OVCH1: variants seen among roughly 807,000 people sequenced by gnomAD.
OVCH1 encodes ovochymase-1.
Under a neutral mutation model 138.4 loss-of-function variants are expected in OVCH1, and 139 were observed. That is an observed-to-expected ratio of 1.00 (90% CI 0.87 to 1.16). The LOEUF (loss-of-function observed/expected upper bound fraction) is 1.16, where lower values mean the gene tolerates loss of function less well. Ranked by LOEUF, OVCH1 falls within the 50% of genes most tolerant of loss-of-function variation. The probability of loss-of-function intolerance (pLI) is 0.00; values close to 1 mark genes in which losing one functional copy is unlikely to be tolerated. For missense variants in OVCH1, 1,367 were observed against 1,357.9 expected, an observed-to-expected ratio of 1.01 and a Z score of -0.11; for synonymous variants, 453 against 467.8, an observed-to-expected ratio of 0.97 and a Z score of 0.41.
At chr12:29,461,713 G>A in intron 19 of OVCH1, 141 bp downstream of exon 19, 1 of 1,024,558 alleles carries the variant, frequency 9.8e-7, no homozygotes, top group Non-Finnish European at 1.5e-6. Context: ...TACTTCTGTT[G>A]CCCCACTGGT....
At chr12:29,453,063 C>T (rs1033722610) in intron 21 of OVCH1, among the ~76,000 whole-genome samples, 1 of 152,114 alleles carries the variant, frequency 6.6e-6, no homozygotes, top group Non-Finnish European at 1.5e-5. Context: ...CATTTATGGA[C>T]CCTTATCTCA....
At chr12:29,430,796 C>T in intron 27 of OVCH1, 1 of 437,014 alleles carries the variant, frequency 2.3e-6, no homozygotes, top group Non-Finnish European at 4.6e-6. Context: ...GTCTGCACAC[C>T]AGATTAACAC....
chr12:29,484,949 T>C (rs1943047336), intron 8 of OVCH1, among the ~76,000 whole-genome samples, 149 bp from the exon 9 acceptor site: 1 of 152,222 alleles, frequency 6.6e-6, no homozygotes, highest in Admixed American at 6.5e-5. Context: ...AGCTATGATT[T>C]AGACATTGTA....
At position 29,462,831 on chromosome 12, in the gene OVCH1, T is replaced by C. The variant is rs113530624; in HGVS notation, c.2126-823A>G. ...TCTCACAGCTCTTACGGGACAGAACTAGGATCAAGCCTAAGTTCAACTCTA... is the reference window on the plus strand; with the variant it reads ...TCTCACAGCTCTTACGGGACAGAACCAGGATCAAGCCTAAGTTCAACTCTA... On this transcript the variant is annotated intron_variant, in intron 18 of 27. Transcript: ENST00000318184. Among the ~76,000 whole-genome samples, 251 of 152,256 alleles carry C rather than the reference T, an allele frequency of 1.6e-3. 2 individuals carry two copies. The highest frequency in any genetic ancestry group is 5.8e-3 in the African/African-American group (239 of 41,550).
downstream of OVCH1, chr12:29,423,387 A>T: frequency 2.4e-6 from 1 of 417,824 alleles, no homozygotes; most frequent in South Asian, 1.8e-5. Flanking sequence ...ATTAAATTCC[A>T]AACTGTTGAT....
rs72640148 is a variant in OVCH1, at chr12:29,493,236, G to A, written c.455-2044C>T. On this transcript the variant is annotated intron_variant, in intron 4 of 27. Coordinates refer to ENST00000318184, the Ensembl canonical transcript of OVCH1. ...TCGAGTTATTCTCAGTATTTTGATC[G>A]CCTACTGTCTTCTGACATTCACTTA... 0.013 allele frequency among the ~76,000 whole-genome samples: 1,902 copies of A among 152,026 alleles called. 113 individuals are homozygous for A. In the East Asian group the frequency reaches 0.18, roughly 14 times the overall value.
chr12:29,443,494 T>C (rs746109328), exon 25 of OVCH1: 1 of 1,599,608 alleles, frequency 6.3e-7, no homozygotes, highest in South Asian at 1.1e-5. Flanking sequence ...CTAATCTCCA[T>C]TGGCAACTAT....
intron 22 of OVCH1, 30 bp from the exon 23 acceptor site, chr12:29,445,433 A>G: frequency 6.3e-7 from 1 of 1,577,542 alleles, no homozygotes. Context: ...CTAGTAAAAA[A>G]TAAGAATGAA....
At chr12:29,485,424 T>G (rs1398521016) in intron 8 of OVCH1, among the ~76,000 whole-genome samples, 1 of 149,896 alleles carries the variant, frequency 6.7e-6, no homozygotes, top group Non-Finnish European at 1.5e-5. Context: ...GTGGATCATC[T>G]GAGGTCAGGA....
chr12:29,408,351 A>G (rs1287321723), downstream of OVCH1, among the ~76,000 whole-genome samples: 2 of 118,202 alleles, frequency 1.7e-5, 1 homozygote, highest in Non-Finnish European at 4.1e-5. Flanking sequence ...TGTGTTGAAT[A>G]GGAGTGGTGA....
chr12:29,450,492 C>T (rs915453020), intron 22 of OVCH1, among the ~76,000 whole-genome samples: 4 of 151,974 alleles, frequency 2.6e-5, no homozygotes, highest in African/African-American at 4.8e-5. Context: ...GTTAGAATGG[C>T]GATTATTAAA....
intron 6 of OVCH1, among the ~76,000 whole-genome samples, chr12:29,488,709 C>T (rs1202941854): frequency 6.6e-6 from 1 of 150,758 alleles, no homozygotes; most frequent in Non-Finnish European, 1.5e-5. Flanking sequence ...AGGATTGCAT[C>T]TTCAATAACA....
intron 19 of OVCH1, among the ~76,000 whole-genome samples, chr12:29,457,386 AATTTTT>A (rs1941985165): frequency 1.6e-5 from 2 of 127,732 alleles, no homozygotes; most frequent in African/African-American, 5.8e-5. Context: ...CAAACAAATG[AATTTTT>A]TTTTTTTTTT....
intron 21 of OVCH1, among the ~76,000 whole-genome samples, chr12:29,454,544 G>C (rs2135951320): frequency 6.6e-6 from 1 of 152,240 alleles, no homozygotes; most frequent in South Asian, 2.1e-4. Context: ...CTTGCATATA[G>C]AAGGACTTTT....
At position 29,478,002 on chromosome 12, in the gene OVCH1, C is replaced by T. The variant is rs532129068; in HGVS notation, c.1070-424G>A. On this transcript the variant is annotated intron_variant, in intron 9 of 27. Transcript: ENST00000318184. ...TAATTTAGACAATAAATATTATAAC[C>T]CCTAGTACAATACTTTGTCTATAAC... Among the ~76,000 whole-genome samples the T allele has an allele frequency of 6.6e-5, 10 of 152,180 alleles. No individual in the cohort carries two copies. In the East Asian group the frequency reaches 1.4e-3, roughly 21 times the overall value.
chr12:29,495,148 C>T (rs748711255), intron 4 of OVCH1, 137 bp downstream of exon 4: 24 of 885,306 alleles, frequency 2.7e-5, no homozygotes, highest in East Asian at 5.1e-5. Context: ...GGTTATAGAC[C>T]GAACAAAATT....
intron 22 of OVCH1, among the ~76,000 whole-genome samples, chr12:29,446,248 A>C (rs1592047697): frequency 1.3e-5 from 2 of 152,070 alleles, no homozygotes; most frequent in Non-Finnish European, 2.9e-5. Context: ...GTTCTTCACA[A>C]ATACTTGTAG....
exon 4 of OVCH1, chr12:29,495,364 A>G (rs1052048740): frequency 1.2e-6 from 2 of 1,613,124 alleles, no homozygotes; most frequent in African/African-American, 2.7e-5. Context: ...CAGGATGGGT[A>G]ATAATTTTTG....
chr12:29,427,981 T>C (rs1375162191), intron 27 of OVCH1, among the ~76,000 whole-genome samples: 1 of 152,124 alleles, frequency 6.6e-6, no homozygotes, highest in Non-Finnish European at 1.5e-5. Flanking sequence ...GTTTGGAGAA[T>C]ATTAAAGAGT....
Sources: allele counts gnomAD v4.1 joint callset (sites outside exome capture counted in the v4.1 genomes callset), GRCh38; gene constraint gnomAD v4.1.1; transcripts MANE v1.5; gene names NCBI Gene and HGNC (gene_info 2026-07-23, HGNC 2026-07-21).